RPS6KC1: variants seen among roughly 807,000 people sequenced by gnomAD.
The protein encoded by RPS6KC1 is inactive ribosomal protein S6 kinase delta-1.
Under a neutral mutation model 103.8 loss-of-function variants are expected in RPS6KC1, and 54 were observed. The observed-to-expected ratio is 0.52, with a 90% CI of 0.42 to 0.65. RPS6KC1 has a LOEUF of 0.65. RPS6KC1 is among the 30% of genes least tolerant of loss of function. The pLI, the probability that RPS6KC1 is intolerant of heterozygous loss-of-function variation, is 0.00. For synonymous variants in RPS6KC1, 439 were observed against 438.7 expected, an observed-to-expected ratio of 1.00 and a Z score of -0.01; for missense variants, 1,151 against 1,253.8, an observed-to-expected ratio of 0.92 and a Z score of 1.24.
At chr1:213,714,503 C>T in the RPS6KC1 span, among the ~76,000 whole-genome samples, 27 of 151,714 alleles carry the variant, frequency 1.8e-4, no homozygotes, top group Middle Eastern at 3.4e-3. Flanking sequence ...AAATGGCTTT[C>T]GTCTGTCATT....
At chr1:213,827,036 G>A in the RPS6KC1 span, among the ~76,000 whole-genome samples, 2 of 152,258 alleles carry the variant, frequency 1.3e-5, no homozygotes, top group South Asian at 4.2e-4. Flanking sequence ...GATTAACGCT[G>A]GGCTTGAGTA....
the RPS6KC1 span, among the ~76,000 whole-genome samples, chr1:213,480,923 G>A: frequency 9.2e-5 from 14 of 152,018 alleles, no homozygotes; most frequent in Non-Finnish European, 1.3e-4. Flanking sequence ...ATTCATATGG[G>A]GTATTATATT....
At chr1:213,159,275 G>A (rs935146122) in intron 6 of RPS6KC1, among the ~76,000 whole-genome samples, 1 of 152,040 alleles carries the variant, frequency 6.6e-6, no homozygotes, top group Admixed American at 6.6e-5. Flanking sequence ...TGGCTATTTT[G>A]GTGTCAAATT....
At chr1:213,606,242 A>C in the RPS6KC1 span, among the ~76,000 whole-genome samples, 2 of 152,096 alleles carry the variant, frequency 1.3e-5, no homozygotes, top group Non-Finnish European at 2.9e-5. Context: ...GAGGAAAAAA[A>C]CCCTCTTATT....
intron 12 of RPS6KC1, among the ~76,000 whole-genome samples, chr1:213,260,383 G>C (rs1433391755): frequency 1.8e-4 from 27 of 152,178 alleles, no homozygotes; most frequent in Admixed American, 1.8e-3. Context: ...GTAGAAAAAG[G>C]TTGCTGAATG....
chr1:213,400,792 C>T, the RPS6KC1 span, among the ~76,000 whole-genome samples: 12 of 151,842 alleles, frequency 7.9e-5, no homozygotes, highest in South Asian at 2.1e-4. Context: ...CTGCAAGCTC[C>T]GCCTTCCAGG....
chr1:213,379,264 T>C, the RPS6KC1 span, among the ~76,000 whole-genome samples: 2 of 152,288 alleles, frequency 1.3e-5, no homozygotes, highest in African/African-American at 2.4e-5. Context: ...TGTGACCTTA[T>C]TTGGAAATAG....
chr1:213,071,850 C>A (rs982924868), intron 2 of RPS6KC1, among the ~76,000 whole-genome samples: 1 of 148,840 alleles, frequency 6.7e-6, no homozygotes, highest in Non-Finnish European at 1.5e-5. Flanking sequence ...TTTGCAGATT[C>A]TTCTGTGCAT....
the RPS6KC1 span, among the ~76,000 whole-genome samples, chr1:213,350,433 G>A: frequency 5.9e-5 from 9 of 152,132 alleles, 1 homozygote; most frequent in Non-Finnish European, 8.8e-5. Context: ...GACACTTCTG[G>A]GGCAGATGTG....
intron 4 of RPS6KC1, among the ~76,000 whole-genome samples, chr1:213,112,457 A>T (rs965340589): frequency 6.6e-6 from 1 of 151,880 alleles, no homozygotes; most frequent in Non-Finnish European, 1.5e-5. Context: ...TTTTATATTT[A>T]TTTTTTATAT....
intron 2 of RPS6KC1, among the ~76,000 whole-genome samples, chr1:213,071,627 A>G (rs1394046546): frequency 3.9e-5 from 6 of 152,168 alleles, no homozygotes; most frequent in Non-Finnish European, 8.8e-5. Context: ...AGATTTCAGT[A>G]TCACTTAAGG....
At chr1:213,577,400 A>G in the RPS6KC1 span, among the ~76,000 whole-genome samples, 1 of 152,248 alleles carries the variant, frequency 6.6e-6, no homozygotes, top group Non-Finnish European at 1.5e-5. Flanking sequence ...GGACTAATAC[A>G]GTAAATTGGT....
the RPS6KC1 span, among the ~76,000 whole-genome samples, chr1:213,485,705 C>G: frequency 1.3e-5 from 2 of 152,150 alleles, no homozygotes; most frequent in African/African-American, 4.8e-5. Flanking sequence ...AAGTGCTATC[C>G]TGTAGATGTT....
intron 6 of RPS6KC1, among the ~76,000 whole-genome samples, chr1:213,130,986 G>T (rs1268192275): frequency 1.3e-5 from 2 of 151,296 alleles, no homozygotes; most frequent in Admixed American, 1.3e-4. Context: ...TACCTTCTCA[G>T]TTTCTTTATT....
chr1:213,336,640 C>A, the RPS6KC1 span, among the ~76,000 whole-genome samples: 5 of 152,140 alleles, frequency 3.3e-5, no homozygotes, highest in Admixed American at 6.5e-5. Context: ...CTTTCAAAAC[C>A]TATTAAATAA....
the RPS6KC1 span, among the ~76,000 whole-genome samples, chr1:213,628,599 G>C: frequency 6.6e-6 from 1 of 151,938 alleles, no homozygotes; most frequent in African/African-American, 2.4e-5. Context: ...TTAACATTAG[G>C]TATATCTCCT....
At chr1:213,645,275 C>T in the RPS6KC1 span, among the ~76,000 whole-genome samples, 15 of 151,954 alleles carry the variant, frequency 9.9e-5, no homozygotes, top group Admixed American at 9.8e-4. Context: ...GTGTTTTTGC[C>T]ATACCAATTC....
chr1:213,550,844 A>AG, the RPS6KC1 span, among the ~76,000 whole-genome samples: 11 of 152,204 alleles, frequency 7.2e-5, no homozygotes, highest in African/African-American at 2.7e-4. Flanking sequence ...CTTAGATTGG[A>AG]GAAAAACCTC....
rs145942994 is a variant in RPS6KC1, at chr1:213,174,193, T to TA, written c.952-2206dup. On this transcript the variant is annotated intron_variant, in intron 7 of 14. Coordinates refer to ENST00000366960, the MANE Select transcript of RPS6KC1 (RefSeq NM_012424.6). Reference sequence around the variant, plus strand: ...TGGTTAGTAAAAGGATTGCAAGCTTTAGAATAGTAGTTGGAGTTCTTCCAC... The same window carrying TA: ...TGGTTAGTAAAAGGATTGCAAGCTTTAAGAATAGTAGTTGGAGTTCTTCCAC... 5.9e-3 allele frequency among the ~76,000 whole-genome samples: 894 copies of TA among 152,334 alleles called. 2 individuals carry two copies. Among genetic ancestry groups the TA allele is most frequent in the Non-Finnish European group, 0.01 (702 of 68,024 alleles).
Sources: allele counts gnomAD v4.1 joint callset (sites outside exome capture counted in the v4.1 genomes callset), GRCh38; gene constraint gnomAD v4.1.1; transcripts MANE v1.5; gene names NCBI Gene and HGNC (gene_info 2026-07-23, HGNC 2026-07-21).